AKAP19: variants seen among roughly 807,000 people sequenced by gnomAD.
AKAP19 encodes the protein A-kinase anchoring protein 19, also known as small A-kinase anchoring protein.
the AKAP19 span, among the ~76,000 whole-genome samples, chr2:189,953,306 T>C: frequency 1.3e-5 from 2 of 152,174 alleles, no homozygotes; most frequent in African/African-American, 4.8e-5. Flanking sequence ...CTGACAGTTA[T>C]ATGATTCTTA....
At chr2:189,941,781 A>C in the AKAP19 span, among the ~76,000 whole-genome samples, 15 of 152,214 alleles carry the variant, frequency 9.9e-5, no homozygotes, top group African/African-American at 3.4e-4. Flanking sequence ...ATCAATGAGA[A>C]AATCAACAAC....
chr2:189,933,279 G>A, the AKAP19 span, among the ~76,000 whole-genome samples: 15,714 of 152,150 alleles, frequency 0.1, 1,041 homozygotes, highest in East Asian at 0.19. Context: ...GGAGGGAGAT[G>A]TGAGAGTGGG....
chr2:190,179,514 C>A, the AKAP19 span, among the ~76,000 whole-genome samples: 1 of 152,200 alleles, frequency 6.6e-6, no homozygotes, highest in Non-Finnish European at 1.5e-5. The surrounding 1 kb of genome is among the most constrained non-coding windows in gnomAD (Gnocchi z 6.0). Flanking sequence ...ATTAATCATA[C>A]TAGCATGAAG....
chr2:190,110,111 G>A, the AKAP19 span, among the ~76,000 whole-genome samples: 4 of 152,196 alleles, frequency 2.6e-5, no homozygotes, highest in African/African-American at 9.7e-5. Flanking sequence ...TAGTCCTGGT[G>A]TAGATGAGAC....
chr2:190,145,670 T>C, the AKAP19 span, among the ~76,000 whole-genome samples: 118 of 152,254 alleles, frequency 7.8e-4, 3 homozygotes, highest in South Asian at 0.018. Context: ...CAATAGGCTA[T>C]ATCTTACTGC....
chr2:189,988,217 T>A, the AKAP19 span, among the ~76,000 whole-genome samples: 3 of 152,138 alleles, frequency 2.0e-5, no homozygotes, highest in African/African-American at 7.2e-5. Context: ...AATACTGATG[T>A]TACCTTCAAG....
At chr2:190,049,923 A>T in the AKAP19 span, among the ~76,000 whole-genome samples, 1 of 152,220 alleles carries the variant, frequency 6.6e-6, no homozygotes, top group East Asian at 1.9e-4. Context: ...AATGTATGTT[A>T]TTTCCAACCT....
At chr2:190,153,185 G>A in the AKAP19 span, among the ~76,000 whole-genome samples, 5 of 152,160 alleles carry the variant, frequency 3.3e-5, no homozygotes, top group Admixed American at 2.0e-4. Context: ...ATGAGCCACC[G>A]TGCCCGGCCA....
the AKAP19 span, among the ~76,000 whole-genome samples, chr2:190,037,332 C>G: frequency 3.9e-5 from 6 of 152,164 alleles, no homozygotes; most frequent in African/African-American, 9.7e-5. Flanking sequence ...TAGCCTATAT[C>G]TTCATTATAG....
chr2:189,892,949 G>A, the AKAP19 span, among the ~76,000 whole-genome samples: 3 of 152,200 alleles, frequency 2.0e-5, no homozygotes, highest in Non-Finnish European at 2.9e-5. Flanking sequence ...GAGGAATCTA[G>A]AGAGGCAATC....
chr2:190,110,455 G>T, the AKAP19 span, among the ~76,000 whole-genome samples: 3 of 152,120 alleles, frequency 2.0e-5, no homozygotes, highest in African/African-American at 7.2e-5. Flanking sequence ...TGTGTATCAG[G>T]AAGTGAATTA....
chr2:190,185,475 G>A, the AKAP19 span, among the ~76,000 whole-genome samples: 16 of 152,172 alleles, frequency 1.1e-4, no homozygotes, highest in Non-Finnish European at 2.4e-4. Context: ...TTCTTTACTA[G>A]TTGGTCAGAG....
At chr2:190,064,417 T>C in the AKAP19 span, among the ~76,000 whole-genome samples, 1 of 152,124 alleles carries the variant, frequency 6.6e-6, no homozygotes, top group Admixed American at 6.6e-5. Context: ...AAACTTTTTT[T>C]TTAATATGCT....
chr2:190,113,294 A>G, the AKAP19 span, among the ~76,000 whole-genome samples: 2 of 152,202 alleles, frequency 1.3e-5, no homozygotes, highest in Non-Finnish European at 2.9e-5. Context: ...GACAGGGTCA[A>G]TCTAATACAA....
chr2:190,121,214 G>C, the AKAP19 span, among the ~76,000 whole-genome samples: 1 of 150,272 alleles, frequency 6.7e-6, no homozygotes, highest in African/African-American at 2.4e-5. Context: ...TTAGGCTCAA[G>C]TGATCCTCCC....
At chr2:190,197,209 C>CTAAG in the AKAP19 span, among the ~76,000 whole-genome samples, 1 of 152,290 alleles carries the variant, frequency 6.6e-6, no homozygotes, top group African/African-American at 2.4e-5. The surrounding 1 kb of genome is among the most constrained non-coding windows in gnomAD (Gnocchi z 4.0). Flanking sequence ...GCTCACAAGC[C>CTAAG]TAAGTCATAG....
the AKAP19 span, among the ~76,000 whole-genome samples, chr2:190,086,010 C>A: frequency 6.6e-6 from 1 of 152,160 alleles, no homozygotes; most frequent in Non-Finnish European, 1.5e-5. Context: ...TACAGTGCAG[C>A]CTTTCTAGGC....
At chr2:190,023,129 A>G in the AKAP19 span, among the ~76,000 whole-genome samples, 7 of 152,196 alleles carry the variant, frequency 4.6e-5, no homozygotes, top group Non-Finnish European at 1.0e-4. Flanking sequence ...ATTTACATTT[A>G]TATTATATGA....
chr2:190,069,667 T>C, the AKAP19 span, among the ~76,000 whole-genome samples: 1 of 152,182 alleles, frequency 6.6e-6, no homozygotes, highest in Non-Finnish European at 1.5e-5. Flanking sequence ...CAGAGAGTCA[T>C]TCCATTTCCA....
Sources: allele counts gnomAD v4.1 joint callset (sites outside exome capture counted in the v4.1 genomes callset), GRCh38; gene constraint gnomAD v4.1.1; non-coding constraint Gnocchi (gnomAD v3.1); transcripts MANE v1.5; gene names NCBI Gene and HGNC (gene_info 2026-07-23, HGNC 2026-07-21).